Variants in PCDHGB3 observed in about 807,000 individuals in gnomAD.
PCDHGB3 encodes the protein protocadherin gamma-B3.
In PCDHGB3, 40 loss-of-function variants were observed where a neutral mutation model predicts 59.2. That is an observed-to-expected ratio of 0.68 (90% CI 0.52 to 0.88). The LOEUF is 0.88. PCDHGB3 is among the 40% of genes least tolerant of loss of function. PCDHGB3 has a pLI of 0.00. For missense variants in PCDHGB3, 1,309 were observed against 1,187.9 expected, an observed-to-expected ratio of 1.10 and a Z score of -1.50; for synonymous variants, 581 against 503.6, an observed-to-expected ratio of 1.15 and a Z score of -2.06.
intron 2 of PCDHGB3, among the ~76,000 whole-genome samples, chr5:141,497,809 G>A (rs1256990692): frequency 1.3e-5 from 2 of 152,190 alleles, no homozygotes. Context: ...CAAAGTGCTA[G>A]AATTACAGGT....
chr5:141,390,183 T>G, intron 1 of PCDHGB3: 2 of 1,614,036 alleles, frequency 1.2e-6, no homozygotes, highest in Non-Finnish European at 1.7e-6. Context: ...TTTCCTAAAA[T>G]GTAGTGAGCA....
At chr5:141,451,170 A>G (rs960062747) in intron 1 of PCDHGB3, among the ~76,000 whole-genome samples, 8 of 152,148 alleles carry the variant, frequency 5.3e-5, no homozygotes, top group East Asian at 3.9e-4. Flanking sequence ...GTAGTATATT[A>G]TTTAGCCATT....
chr5:141,421,530 C>A, intron 1 of PCDHGB3: 1 of 1,614,040 alleles, frequency 6.2e-7, no homozygotes, highest in Non-Finnish European at 8.5e-7. Context: ...AGACGGTGTC[C>A]TCCTGTTTTT....
At chr5:141,478,755 A>G in intron 1 of PCDHGB3, 1 of 1,519,784 alleles carries the variant, frequency 6.6e-7, no homozygotes, top group South Asian at 1.3e-5. Flanking sequence ...TTCAGGGGGA[A>G]GATACTTGAC....
chr5:141,374,029 A>C (rs1460112886), intron 1 of PCDHGB3: 3 of 1,428,780 alleles, frequency 2.1e-6, no homozygotes. Flanking sequence ...AGCAAAAGTG[A>C]TGCAGATCTG....
intron 1 of PCDHGB3, chr5:141,394,115 T>G: frequency 2.5e-6 from 4 of 1,613,954 alleles, no homozygotes; most frequent in Non-Finnish European, 3.4e-6. Flanking sequence ...CTCTGTCCAC[T>G]GAAACTCAAA....
At chr5:141,417,703 C>A in intron 1 of PCDHGB3, 1 of 1,205,130 alleles carries the variant, frequency 8.3e-7, no homozygotes, top group Non-Finnish European at 1.1e-6. Context: ...AGCTCCCACA[C>A]AGAGGCTCCC....
chr5:141,449,630 T>G (rs1006977026), intron 1 of PCDHGB3, among the ~76,000 whole-genome samples: 2 of 150,024 alleles, frequency 1.3e-5, no homozygotes, highest in Non-Finnish European at 3.0e-5. Flanking sequence ...TTTAAAAAGA[T>G]GTATCTATAT....
chr5:141,500,835 A>G (rs965204931), intron 2 of PCDHGB3, among the ~76,000 whole-genome samples: 13 of 152,118 alleles, frequency 8.5e-5, no homozygotes, highest in African/African-American at 3.1e-4. Context: ...TCTAATGCTA[A>G]TGGGCTTTTG....
chr5:141,376,602 A>C, intron 1 of PCDHGB3: 1 of 1,521,112 alleles, frequency 6.6e-7, no homozygotes, highest in Non-Finnish European at 8.9e-7. Context: ...CTGTTATAGA[A>C]GCGAACCTCT....
At chr5:141,433,655 G>T (rs1227358856) in intron 1 of PCDHGB3, among the ~76,000 whole-genome samples, 2 of 152,036 alleles carry the variant, frequency 1.3e-5, no homozygotes, top group Non-Finnish European at 1.5e-5. Flanking sequence ...GACCAACATG[G>T]AGAAACCCCG....
At position 141,489,985 on chromosome 5, in the gene PCDHGB3, G is replaced by C. The variant is rs761481986; in HGVS notation, c.2416-4822G>C. ...AACCTTCCAATCCTCAGTTCTACGT[G>C]TGGGAATCCCAGAGAATGCACCCAT... On this transcript the variant is annotated intron_variant, in intron 1 of 3. Coordinates refer to ENST00000576222, the MANE Select transcript of PCDHGB3 (RefSeq NM_018924.5). This position sits in a 1 kb window ranked among gnomAD's most constrained non-coding sequence, Gnocchi z 4.5. 3 of 1,614,212 alleles carry C rather than the reference G, an allele frequency of 1.9e-6. No individual in the cohort carries two copies. The East Asian group carries it at 6.7e-5, about 36-fold the overall frequency.
In PCDHGB3 at chr5:141,432,872, C is replaced by A. The variant is rs73280906; in HGVS notation, c.2415+60063C>A. The stretch of plus-strand genomic sequence containing the variant: ...GGTGGCCGCGGTCTCCTGCGTCTTC[C>A]TGGCCTTCGTCATCTTGCTGCTGGC... On this transcript the variant is annotated intron_variant, in intron 1 of 3. Transcript: ENST00000576222. The surrounding 1 kb of genome is among the most constrained non-coding windows in gnomAD (Gnocchi z 6.0). 2,361 of 1,614,192 alleles carry A rather than the reference C, an allele frequency of 1.5e-3. 32 individuals carry two copies. In the African/African-American group the frequency reaches 0.028, roughly 19 times the overall value.
chr5:141,399,958 G>A (rs2093927763), intron 1 of PCDHGB3: 5 of 1,612,004 alleles, frequency 3.1e-6, no homozygotes, highest in Non-Finnish European at 4.2e-6. Context: ...TAGCGAGCCC[G>A]GGCTCTTCAG....
At chr5:141,395,121 T>C (rs773964445) in intron 1 of PCDHGB3, 1 of 1,614,192 alleles carries the variant, frequency 6.2e-7, no homozygotes, top group East Asian at 2.2e-5. Flanking sequence ...TCACCTGATC[T>C]TTCCCCAGCC....
intron 1 of PCDHGB3, chr5:141,422,570 A>G: frequency 6.2e-7 from 1 of 1,614,012 alleles, no homozygotes; most frequent in African/African-American, 1.3e-5. Flanking sequence ...GATGACAACG[A>G]TAACCCTCCC....
At chr5:141,475,543 G>A (rs1161883598) in intron 1 of PCDHGB3, among the ~76,000 whole-genome samples, 1 of 152,196 alleles carries the variant, frequency 6.6e-6, no homozygotes, top group African/African-American at 2.4e-5. Flanking sequence ...TACAAGTAGG[G>A]TCCGGCTAAT....
intron 1 of PCDHGB3, chr5:141,389,202 A>G (rs2091644944): frequency 6.2e-6 from 10 of 1,613,852 alleles, no homozygotes; most frequent in Non-Finnish European, 8.5e-6. Context: ...CACCCTGCAC[A>G]TTGGTGATGT....
chr5:141,414,667 G>C, intron 1 of PCDHGB3: 1 of 1,614,002 alleles, frequency 6.2e-7, no homozygotes, highest in Non-Finnish European at 8.5e-7. Flanking sequence ...CCTGGCTGAA[G>C]ACACCATCCA....
Sources: gnomAD v4.1 joint callset for allele counts (sites outside exome capture counted in the v4.1 genomes callset) on GRCh38, gnomAD v4.1.1 for gene constraint, Gnocchi (gnomAD v3.1) non-coding constraint, MANE v1.5 for transcripts, NCBI Gene and HGNC (gene_info 2026-07-23, HGNC 2026-07-21) for gene names.